The following RBM39 variants were observed in gnomAD, a reference collection of about 807,000 sequenced individuals.
RBM39 encodes the protein RNA binding motif protein 39, also known as RNA-binding protein 39.
In RBM39, 12 loss-of-function variants were observed where a neutral mutation model predicts 79.6. The ratio of observed to expected loss-of-function variants is 0.15; its 90% CI spans 0.10 to 0.24. The LOEUF is 0.24. Ranked by LOEUF, RBM39 falls within the 10% of genes least tolerant of loss-of-function variation. The pLI is 1.00. For synonymous variants in RBM39, 185 were observed against 208.4 expected (o/e 0.89, Z 0.97); for missense variants, 243 against 653.4 (o/e 0.37, Z 6.85).
intron 8 of RBM39, among the ~76,000 whole-genome samples, chr20:35,723,555 C>T (rs1168125887): frequency 1.3e-5 from 2 of 152,184 alleles, no homozygotes; most frequent in Non-Finnish European, 2.9e-5. Context: ...TCTCCTGCCT[C>T]GGCCTCCTGA....
intron 12 of RBM39, among the ~76,000 whole-genome samples, chr20:35,711,089 A>T (rs2146512696): frequency 6.6e-6 from 1 of 152,334 alleles, no homozygotes; most frequent in South Asian, 2.1e-4. Flanking sequence ...AACTGAAGAC[A>T]TTAAGAGCAA....
At chr20:35,727,977 A>G (rs968859449) in intron 6 of RBM39, among the ~76,000 whole-genome samples, 1 of 152,048 alleles carries the variant, frequency 6.6e-6, no homozygotes, top group African/African-American at 2.4e-5. Context: ...TAGTAGAGGC[A>G]GGGTTTCACC....
intron 1 of RBM39, 143 bp from the exon 2 acceptor site, chr20:35,741,030 C>CTTTCTTTTTTTTTTTT (rs2040447478): frequency 1.7e-5 from 2 of 118,628 alleles, no homozygotes; most frequent in Non-Finnish European, 3.0e-5. Context: ...AAACATTTTT[C>CTTTCTTTTTTTTTTTT]TTTTTTTTTT....
At chr20:35,722,458 CTT>C (rs72430622) in intron 8 of RBM39, among the ~76,000 whole-genome samples, 40 of 116,420 alleles carry the variant, frequency 3.4e-4, no homozygotes, top group East Asian at 1.7e-3. Flanking sequence ...TATTTAGAGG[CTT>C]TTTTTTTTTT....
At chr20:35,741,024 A>ATTTTTATTTTTTT in intron 1 of RBM39, 137 bp from the exon 2 acceptor site, 3 of 76,904 alleles carry the variant, frequency 3.9e-5, no homozygotes, top group Non-Finnish European at 7.3e-5. Flanking sequence ...GTGAGTAAAC[A>ATTTTTATTTTTTT]TTTTTCTTTT....
At chr20:35,741,213 T>C (rs897460186) in intron 1 of RBM39, among the ~76,000 whole-genome samples, 3 of 151,076 alleles carry the variant, frequency 2.0e-5, no homozygotes, top group South Asian at 2.1e-4. Flanking sequence ...TTTGTATTTT[T>C]GGTAGAGACG....
chr20:35,714,169 A>G lies in RBM39; in HGVS notation c.1096+16T>C. 2 of 1,609,016 alleles carry G rather than the reference A, an allele frequency of 1.2e-6. No homozygotes were observed. Among genetic ancestry groups the G allele is most frequent in the Non-Finnish European group, 1.7e-6 (2 of 1,176,690 alleles). On this transcript the variant is annotated intron_variant, in intron 11 of 16. Transcript: ENST00000253363. ...ATACCCACAGTAAATCATTCGTAAT[A>G]GCAAGAAACACTTACCCTCTGCAAG... is the stretch of plus-strand genomic sequence containing the variant.
chr20:35,712,600 T>C (rs973974974), intron 12 of RBM39, among the ~76,000 whole-genome samples: 15 of 152,074 alleles, frequency 9.9e-5, no homozygotes, highest in African/African-American at 3.6e-4. Context: ...ATCTTAAATT[T>C]TTATGTACTA....
chr20:35,734,828 A>G, intron 3 of RBM39: 3 of 1,398,388 alleles, frequency 2.1e-6, no homozygotes, highest in Non-Finnish European at 2.8e-6. Context: ...AGCTTCAAAG[A>G]GCATTTATTA....
At chr20:35,712,294 C>A (rs903279232) in intron 12 of RBM39, among the ~76,000 whole-genome samples, 1 of 151,026 alleles carries the variant, frequency 6.6e-6, no homozygotes, top group Admixed American at 6.6e-5. Flanking sequence ...CATGGTGAAA[C>A]CCCATCTCTA....
At chr20:35,739,385 G>T (rs544686251) in intron 2 of RBM39, 1 of 472,744 alleles carries the variant, frequency 2.1e-6, no homozygotes, top group East Asian at 6.9e-5. Flanking sequence ...GGTCCCTTTG[G>T]TCAGTACCAT....
chr20:35,709,015 G>T, intron 13 of RBM39: 1 of 427,380 alleles, frequency 2.3e-6, no homozygotes, highest in Non-Finnish European at 4.1e-6. Context: ...AAAAAAAATT[G>T]TTATTTTGAT....
At chr20:35,736,239 C>T (rs1228097167) in intron 3 of RBM39, among the ~76,000 whole-genome samples, 1 of 152,132 alleles carries the variant, frequency 6.6e-6, no homozygotes, top group Non-Finnish European at 1.5e-5. Context: ...AACCAGATGA[C>T]ATAAACCATA....
At chr20:35,725,344 T>G (rs2038522337) in intron 6 of RBM39, among the ~76,000 whole-genome samples, 189 bp from the exon 7 acceptor site, 1 of 152,190 alleles carries the variant, frequency 6.6e-6, no homozygotes, top group Non-Finnish European at 1.5e-5. Context: ...TACTGTACCC[T>G]CACTCCTTTC....
intron 6 of RBM39, among the ~76,000 whole-genome samples, chr20:35,728,122 G>A (rs1259703165): frequency 6.6e-6 from 1 of 152,186 alleles, no homozygotes; most frequent in Non-Finnish European, 1.5e-5. Flanking sequence ...ATAATCCATG[G>A]AAACTTCATT....
intron 3 of RBM39, among the ~76,000 whole-genome samples, chr20:35,736,809 C>G (rs975398645): frequency 6.6e-6 from 1 of 151,942 alleles, no homozygotes; most frequent in African/African-American, 2.4e-5. Flanking sequence ...TGCACCACCA[C>G]GCCCAGCTAA....
intron 2 of RBM39, chr20:35,740,310 T>TA (rs1433899751): frequency 1.3e-5 from 4 of 306,294 alleles, no homozygotes. Context: ...CTTACATAGA[T>TA]ACATAAATTT....
intron 8 of RBM39, 52 bp from the exon 9 acceptor site, chr20:35,721,929 CAT>C (rs1280612046): frequency 1.9e-6 from 3 of 1,558,036 alleles, no homozygotes; most frequent in Non-Finnish European, 2.6e-6. Context: ...AGTTTAAAGA[CAT>C]ACACCTTCCA....
rs767159669 is a variant in RBM39, at chr20:35,725,199, T to A, written c.417-44A>T. 12 of 1,280,674 alleles carry A rather than the reference T, an allele frequency of 9.4e-6. No homozygotes were observed. The South Asian group carries it at 1.6e-4, about 17-fold the overall frequency. 79.3% of individuals were successfully genotyped at this position (1,280,674 alleles called of 1,614,324 possible). ...ATAAAATTAATTTCATAACAGATTT[T>A]AAAATAATTTTTATCTTTTTTATTT... On this transcript the variant is annotated intron_variant, in intron 6 of 16. Coordinates refer to ENST00000253363, the MANE Select transcript of RBM39 (RefSeq NM_184234.3).
Sources: allele counts gnomAD v4.1 joint callset (sites outside exome capture counted in the v4.1 genomes callset), GRCh38; gene constraint gnomAD v4.1.1; transcripts MANE v1.5; gene names NCBI Gene and HGNC (gene_info 2026-07-23, HGNC 2026-07-21).